Variants in SPTLC3 observed in about 807,000 individuals in gnomAD.
SPTLC3 encodes serine palmitoyltransferase 3.
Under a neutral mutation model 59.3 loss-of-function variants are expected in SPTLC3, and 36 were observed. The observed-to-expected ratio is 0.61, with a 90% CI of 0.47 to 0.80. The LOEUF (loss-of-function observed/expected upper bound fraction) is 0.80. Ranked by LOEUF, SPTLC3 falls within the 30% of genes least tolerant of loss-of-function variation. The pLI, the probability that SPTLC3 is intolerant of heterozygous loss-of-function variation, is 0.00. For synonymous variants in SPTLC3, 257 were observed against 240.8 expected (o/e 1.07, Z -0.62); for missense variants, 625 against 685.1 (o/e 0.91, Z 0.98).
At chr20:13,113,422 C>A (rs6109714) in intron 7 of SPTLC3, among the ~76,000 whole-genome samples, 6,689 of 152,148 alleles carry the variant, frequency 0.044, 483 homozygotes, top group African/African-American at 0.15. Context: ...CCACATACAT[C>A]AATTTTTTCA....
In SPTLC3 at chr20:13,155,821, G is replaced by A. The variant is rs2038391; in HGVS notation, c.1415+1683G>A. Among the ~76,000 whole-genome samples the A allele has an allele frequency of 7.9e-3, 1,205 of 152,152 alleles. 41 individuals carry two copies. The highest frequency in any genetic ancestry group is 0.064 in the Admixed American group (977 of 15,266). ...AGCCAGGGCAACAGAGCAAGACTCC[G>A]TCTAAAAAAATAATAATAATAATAA... On this transcript the variant is annotated intron_variant, in intron 10 of 11. Transcript: ENST00000399002.
At chr20:13,116,556 T>C (rs1990562868) in intron 7 of SPTLC3, among the ~76,000 whole-genome samples, 1 of 152,196 alleles carries the variant, frequency 6.6e-6, no homozygotes, top group Admixed American at 6.5e-5. Context: ...TGCCGGAGGA[T>C]GTACCAAAGC....
chr20:13,081,958 G>T (rs1988854353), intron 4 of SPTLC3, among the ~76,000 whole-genome samples: 1 of 152,140 alleles, frequency 6.6e-6, no homozygotes, highest in South Asian at 2.1e-4. Flanking sequence ...CTGAGACCTA[G>T]TAGAGTTCTG....
intron 6 of SPTLC3, among the ~76,000 whole-genome samples, chr20:13,105,311 T>C (rs1259563586): frequency 1.3e-5 from 2 of 152,062 alleles, no homozygotes; most frequent in African/African-American, 4.8e-5. Context: ...TCAAGAATCC[T>C]GGTGTGTTGA....
chr20:13,069,587 T>G (rs1988363259), intron 2 of SPTLC3, among the ~76,000 whole-genome samples: 1 of 152,060 alleles, frequency 6.6e-6, no homozygotes, highest in Non-Finnish European at 1.5e-5. Context: ...GAGGTGGAGC[T>G]CGGAGCCCAG....
intron 8 of SPTLC3, among the ~76,000 whole-genome samples, chr20:13,123,008 G>A (rs2037901769): frequency 6.6e-6 from 1 of 152,092 alleles, no homozygotes; most frequent in African/African-American, 2.4e-5. Context: ...CATGCTCCCA[G>A]TTCTAAGAAT....
At chr20:13,067,876 T>C (rs927878749) in intron 2 of SPTLC3, among the ~76,000 whole-genome samples, 1 of 152,198 alleles carries the variant, frequency 6.6e-6, no homozygotes, top group Non-Finnish European at 1.5e-5. Context: ...TAGACGCAAA[T>C]GAATAACATT....
intron 10 of SPTLC3, among the ~76,000 whole-genome samples, chr20:13,158,571 C>T (rs1322035152): frequency 1.3e-5 from 2 of 152,178 alleles, no homozygotes; most frequent in African/African-American, 2.4e-5. Context: ...CAATTATGAG[C>T]TCTCATTCTG....
intron 9 of SPTLC3, among the ~76,000 whole-genome samples, chr20:13,137,199 G>A (rs925688348): frequency 9.2e-5 from 14 of 152,210 alleles, no homozygotes; most frequent in African/African-American, 3.4e-4. Flanking sequence ...CTCCCTAGCA[G>A]AGGGCCTCCT....
chr20:13,074,572 T>A, intron 4 of SPTLC3, 75 bp downstream of exon 4: 1 of 1,492,470 alleles, frequency 6.7e-7, no homozygotes, highest in Non-Finnish European at 9.1e-7. Flanking sequence ...CAAATCTAGA[T>A]CATATTTGGA....
intron 11 of SPTLC3, among the ~76,000 whole-genome samples, chr20:13,163,699 A>G (rs11087047): frequency 0.25 from 37,938 of 151,938 alleles, 5,043 homozygotes; most frequent in South Asian, 0.44. Context: ...AGTTTGAAAG[A>G]TTTCCCAAAG....
intron 9 of SPTLC3, among the ~76,000 whole-genome samples, chr20:13,137,986 T>C (rs1006985017): frequency 3.9e-5 from 6 of 152,152 alleles, no homozygotes; most frequent in Non-Finnish European, 8.8e-5. Context: ...TCAGAACAGC[T>C]TGGGGATTCA....
intron 2 of SPTLC3, among the ~76,000 whole-genome samples, chr20:13,060,861 C>A (rs1199390823): frequency 6.6e-6 from 1 of 151,526 alleles, no homozygotes; most frequent in East Asian, 1.9e-4. Flanking sequence ...TTGCTTTATC[C>A]AATTGTTGAT....
At chr20:13,049,284 T>A in intron 2 of SPTLC3, 154 bp downstream of exon 2, 1 of 804,688 alleles carries the variant, frequency 1.2e-6, no homozygotes, top group Non-Finnish European at 2.1e-6. Flanking sequence ...TAAACCCCAT[T>A]ACCCATGGGC....
At position 13,048,971 on chromosome 20, in the gene SPTLC3, T is replaced by C. The variant is rs1456004453; in HGVS notation, c.144T>C (p.Asp48=). ...AAAATGGGAAGCCACATTTTTATGA[T>C]AAGCTCATTGTTGAATCGTTTGAGG... ...AQQNGKPHFY[D]KLIVESFEEA... is the part of the protein sequence containing the mutation. Residue 48 remains aspartate, a synonymous_variant, in exon 2 of 12, where the codon GAT becomes GAC. Transcript: ENST00000399002. The C allele has an allele frequency of 1.3e-6, 2 of 1,567,278 alleles. No individual in the cohort carries two copies. The highest frequency in any genetic ancestry group is 2.8e-5 in the African/African-American group (2 of 72,304).
chr20:13,126,765 T>C lies in SPTLC3; in HGVS notation c.1279+48T>C, dbSNP rs1444914676. On this transcript the variant is annotated intron_variant, in intron 9 of 11. Transcript: ENST00000399002. Reference sequence around the variant, plus strand: ...CAGCTCCTGGACCTCTCTGTCTCCCTTCTGCCTCATTAATCTCCCCGCTTC... The same window carrying C: ...CAGCTCCTGGACCTCTCTGTCTCCCCTCTGCCTCATTAATCTCCCCGCTTC... 2.1e-5 allele frequency: 34 copies of C among 1,601,246 alleles called. No homozygotes were observed. In the East Asian group the frequency reaches 7.6e-4, roughly 36 times the overall value.
intron 9 of SPTLC3, among the ~76,000 whole-genome samples, chr20:13,132,509 G>C (rs111479353): frequency 0.018 from 2,804 of 152,188 alleles, 53 homozygotes; most frequent in South Asian, 0.03. Context: ...GAATACCTGA[G>C]AAATTGTATA....
intron 4 of SPTLC3, among the ~76,000 whole-genome samples, chr20:13,081,257 A>G (rs1223065258): frequency 6.6e-6 from 1 of 152,202 alleles, no homozygotes; most frequent in Non-Finnish European, 1.5e-5. Flanking sequence ...CAGAAATAAC[A>G]TTGGTTAATA....
intron 1 of SPTLC3, among the ~76,000 whole-genome samples, chr20:13,015,814 A>T (rs1985498915): frequency 6.6e-6 from 1 of 152,114 alleles, no homozygotes; most frequent in African/African-American, 2.4e-5. Flanking sequence ...GGTAATTGTT[A>T]ATCTATTAAA....
Sources: gnomAD v4.1 joint callset for allele counts (sites outside exome capture counted in the v4.1 genomes callset) on GRCh38, gnomAD v4.1.1 for gene constraint, MANE v1.5 for transcripts, NCBI Gene and HGNC (gene_info 2026-07-23, HGNC 2026-07-21) for gene names.